The following HOATZ variants were observed in gnomAD, a reference collection of about 807,000 sequenced individuals.
HOATZ encodes the protein HOATZ cilia and flagella associated protein.
In HOATZ, 26 loss-of-function variants were observed where a neutral mutation model predicts 24.9. That is an observed-to-expected ratio of 1.04 (90% CI 0.76 to 1.45). HOATZ has a LOEUF of 1.45. HOATZ is among the 40% of genes most tolerant of loss of function. HOATZ has a pLI of 0.00. For missense variants in HOATZ, 226 were observed against 201.5 expected, an observed-to-expected ratio of 1.12 and a Z score of -0.74; for synonymous variants, 83 against 76.6, an observed-to-expected ratio of 1.08 and a Z score of -0.43.
At chr11:111,515,051 A>C in intron 1 of HOATZ, 41 bp downstream of exon 1, 1 of 1,466,380 alleles carries the variant, frequency 6.8e-7, no homozygotes, top group Non-Finnish European at 9.5e-7. Flanking sequence ...TATCTGCCTC[A>C]CCGTAACTGG....
intron 3 of HOATZ, among the ~76,000 whole-genome samples, chr11:111,529,264 A>G (rs1010060253): frequency 6.6e-5 from 10 of 152,216 alleles, no homozygotes; most frequent in South Asian, 2.1e-4. Context: ...TGATGACTAG[A>G]TTACTAAAGG....
chr11:111,532,309 A>G (rs1867402630), intron 3 of HOATZ, among the ~76,000 whole-genome samples: 1 of 152,140 alleles, frequency 6.6e-6, no homozygotes, highest in African/African-American at 2.4e-5. Context: ...GCCCCCCCAC[A>G]TGCAAAAATT....
intron 3 of HOATZ, chr11:111,519,039 G>A (rs990327993): frequency 2.2e-6 from 1 of 455,906 alleles, no homozygotes; most frequent in Admixed American, 2.4e-5. Context: ...GTAGATTTTG[G>A]AGACAACAAG....
In HOATZ at chr11:111,536,842, G is replaced by A. The variant is rs1565256310; in HGVS notation, c.*15G>A. ...CTTTGGACTAATTTGCTTGACACATGGCAGAGGATGGCTCACTTATACCTT... is the reference window on the plus strand; with the variant it reads ...CTTTGGACTAATTTGCTTGACACATAGCAGAGGATGGCTCACTTATACCTT... On this transcript the variant is annotated 3_prime_UTR_variant, in exon 6 of 6. Transcript: ENST00000375618. 6.2e-7 allele frequency: 1 copy of A among 1,607,696 alleles called. No homozygotes were observed. The highest frequency in any genetic ancestry group is 8.5e-7 in the Non-Finnish European group (1 of 1,174,420).
At chr11:111,525,328 G>C (rs1867325692) in intron 3 of HOATZ, among the ~76,000 whole-genome samples, 1 of 152,150 alleles carries the variant, frequency 6.6e-6, no homozygotes, top group Admixed American at 6.5e-5. Context: ...AAATATAAAA[G>C]ATTGTTCTTA....
At chr11:111,520,392 G>A (rs117926385) in intron 3 of HOATZ, among the ~76,000 whole-genome samples, 3,662 of 152,222 alleles carry the variant, frequency 0.024, 81 homozygotes, top group Middle Eastern at 0.085. Context: ...GTTTTAACAT[G>A]AATGAATATA....
At chr11:111,530,447 A>G (rs551736416) in intron 3 of HOATZ, among the ~76,000 whole-genome samples, 10 of 152,264 alleles carry the variant, frequency 6.6e-5, no homozygotes, top group Non-Finnish European at 1.3e-4. Flanking sequence ...TTGAGGTGAC[A>G]TTAAAATTCA....
intron 3 of HOATZ, among the ~76,000 whole-genome samples, chr11:111,521,485 G>A (rs191035335): frequency 2.2e-4 from 33 of 152,188 alleles, no homozygotes; most frequent in Non-Finnish European, 3.7e-4. Flanking sequence ...ATTGGCTTCC[G>A]AGACAAACCT....
At chr11:111,535,694 T>C (rs1035553096) in intron 5 of HOATZ, 3 of 152,220 alleles carry the variant, frequency 2.0e-5, no homozygotes, top group Non-Finnish European at 4.4e-5. Context: ...AGTCTCGCTC[T>C]GTCACCTAGG....
At chr11:111,533,476 T>C (rs1338960787) in intron 3 of HOATZ, among the ~76,000 whole-genome samples, 4 of 152,152 alleles carry the variant, frequency 2.6e-5, no homozygotes, top group Non-Finnish European at 5.9e-5. Flanking sequence ...AAATAACCCC[T>C]GTATTTAGGA....
chr11:111,533,326 T>G (rs1303546579), intron 3 of HOATZ, among the ~76,000 whole-genome samples: 1 of 152,180 alleles, frequency 6.6e-6, no homozygotes, highest in Non-Finnish European at 1.5e-5. Flanking sequence ...ACCTATACAG[T>G]GGAGTAATAG....
intron 3 of HOATZ, among the ~76,000 whole-genome samples, 189 bp from the exon 4 acceptor site, chr11:111,533,557 A>C (rs1202486627): frequency 6.6e-6 from 1 of 152,186 alleles, no homozygotes; most frequent in African/African-American, 2.4e-5. Context: ...TTACAAAAGC[A>C]TTTTGTAAAG....
rs115446408 is a variant in HOATZ at position 111,514,911 on chromosome 11, T to A, written c.127T>A (p.Ser43Thr). 5,881 of 1,614,106 alleles carry A rather than the reference T, an allele frequency of 3.6e-3. 193 individuals carry two copies. In the African/African-American group the frequency reaches 0.07, roughly 19 times the overall value. The change falls in exon 1 of 6, where the codon TCG (serine) becomes ACG (threonine). Residue 43 changes from serine to threonine, a missense_variant. Coordinates refer to ENST00000375618, the MANE Select transcript of HOATZ (RefSeq NM_001100388.2). ...CAACTTGGCTAAGCAGTTCTGGATCTCGGCGTCGATGTATCCCCCTAGCGA... is the reference window on the plus strand; with the variant it reads ...CAACTTGGCTAAGCAGTTCTGGATCACGGCGTCGATGTATCCCCCTAGCGA... ...DANLAKQFWI[S>T]ASMYPPSESQ...
chr11:111,515,980 A>G (rs1240364332), intron 2 of HOATZ, 60 bp from the exon 3 acceptor site: 3 of 1,154,932 alleles, frequency 2.6e-6, no homozygotes, highest in Non-Finnish European at 1.3e-6. Context: ...TTTTATATCA[A>G]TTTTAGTATA....
intron 3 of HOATZ, among the ~76,000 whole-genome samples, chr11:111,531,025 G>A (rs1274983311): frequency 4.6e-5 from 7 of 151,906 alleles, no homozygotes; most frequent in Non-Finnish European, 1.0e-4. Context: ...TTGAAGTCAA[G>A]GAAAAAAATG....
chr11:111,520,356 AGATT>A lies in HOATZ; in HGVS notation c.339+4247_339+4250del, dbSNP rs568800655. Among the ~76,000 whole-genome samples the A allele has an allele frequency of 3.1e-3, 469 of 152,342 alleles. 5 individuals are homozygous for A. Among genetic ancestry groups the A allele is most frequent in the East Asian group, 2.3e-3 (12 of 5,190 alleles). On this transcript the variant is annotated intron_variant, in intron 3 of 5. Transcript: ENST00000375618. ...ATTTGAAGGCATATATGTAAATGAC[AGATT>A]TGGAAATGATCTGTATTCAAAGTTT...
intron 3 of HOATZ, among the ~76,000 whole-genome samples, chr11:111,528,642 G>A (rs80198682): frequency 1.3e-5 from 2 of 152,192 alleles, no homozygotes; most frequent in East Asian, 3.8e-4. Flanking sequence ...GATCAAGGCT[G>A]AGCTCAAGCT....
chr11:111,517,756 C>T (rs1277530773), intron 3 of HOATZ, among the ~76,000 whole-genome samples: 1 of 152,166 alleles, frequency 6.6e-6, no homozygotes, highest in Non-Finnish European at 1.5e-5. Context: ...ATCAAGAAAG[C>T]TTCCCAAAGG....
chr11:111,529,268 C>A (rs1461289005), intron 3 of HOATZ, among the ~76,000 whole-genome samples: 1 of 152,136 alleles, frequency 6.6e-6, no homozygotes, highest in Non-Finnish European at 1.5e-5. Context: ...GACTAGATTA[C>A]TAAAGGCATG....
Sources: allele counts gnomAD v4.1 joint callset (sites outside exome capture counted in the v4.1 genomes callset), GRCh38; gene constraint gnomAD v4.1.1; transcripts MANE v1.5; gene names NCBI Gene and HGNC (gene_info 2026-07-23, HGNC 2026-07-21).